The following ARL1 variants were observed in gnomAD, a reference collection of about 807,000 sequenced individuals.
ARL1 encodes ADP-ribosylation factor-like protein 1.
A neutral mutation model predicts 30.1 loss-of-function variants in ARL1; 17 were observed. The observed-to-expected ratio is 0.56, with a 90% confidence interval of 0.39 to 0.85. ARL1 has a LOEUF of 0.85. Ranked by LOEUF, ARL1 falls within the 40% of genes least tolerant of loss-of-function variation. The probability of loss-of-function intolerance (pLI) is 0.00; values close to 1 mark genes in which losing one functional copy is unlikely to be tolerated. For missense variants in ARL1, 102 were observed against 212.6 expected (o/e 0.48, Z 3.24); for synonymous variants, 58 against 71.7 (o/e 0.81, Z 0.97).
chr12:101,407,587 G>A lies in ARL1; in HGVS notation c.4+55C>T, dbSNP rs1871482401. ...GGCCCCTCTCCTCCTCTGCACCCCA[G>A]CCCTCGGCCGCGGCTCCCTCGAGCG... On this transcript the variant is annotated intron_variant, in intron 1 of 5. Coordinates refer to ENST00000261636, the MANE Select transcript of ARL1 (RefSeq NM_001177.6). 6 of 1,604,442 alleles carry A rather than the reference G, an allele frequency of 3.7e-6. No homozygotes were observed. In the East Asian group the frequency reaches 1.3e-4, roughly 36 times the overall value.
At chr12:101,402,446 C>T (rs909628451) in intron 3 of ARL1, among the ~76,000 whole-genome samples, 1 of 152,180 alleles carries the variant, frequency 6.6e-6, no homozygotes, top group Non-Finnish European at 1.5e-5. Context: ...CTCGGCCTCC[C>T]AAAGTGCTGG....
In ARL1 at chr12:101,405,203, TC is replaced by T. The variant is rs375291348; in HGVS notation, c.142+640del. Among the ~76,000 whole-genome samples, 819 of 152,190 alleles carry T rather than the reference TC, an allele frequency of 5.4e-3. 13 individuals are homozygous for T. The highest frequency in any genetic ancestry group is 0.019 in the African/African-American group (789 of 41,512). On this transcript the variant is annotated intron_variant, in intron 2 of 5. Transcript: ENST00000261636. Reference sequence around the variant, plus strand: ...GATATTTTTAAGGTACCAAATTACTTCAACACTCAGTCTCTGCAACTCAGAT... The same window carrying T: ...GATATTTTTAAGGTACCAAATTACTTAACACTCAGTCTCTGCAACTCAGAT...
At chr12:101,403,518 C>CA (rs1399210765) in intron 2 of ARL1, 4 of 195,584 alleles carry the variant, frequency 2.0e-5, no homozygotes, top group African/African-American at 7.1e-5. Flanking sequence ...ACAGCATGGA[C>CA]ACAGCCATGG....
At chr12:101,406,328 C>T (rs1166715718) in intron 1 of ARL1, among the ~76,000 whole-genome samples, 3 of 152,070 alleles carry the variant, frequency 2.0e-5, no homozygotes, top group Non-Finnish European at 4.4e-5. Context: ...ACCAAGGGGC[C>T]AGTAAGGAGG....
intron 4 of ARL1, among the ~76,000 whole-genome samples, chr12:101,398,608 C>A (rs999488475): frequency 8.6e-5 from 13 of 151,874 alleles, no homozygotes; most frequent in South Asian, 4.2e-4. Flanking sequence ...CGCTACTACA[C>A]CCGGCTCATT....
intron 3 of ARL1, 90 bp downstream of exon 3, chr12:101,402,775 T>C (rs190577357): frequency 8.7e-6 from 7 of 800,790 alleles, no homozygotes; most frequent in East Asian, 2.7e-5. Flanking sequence ...TAAATTACAA[T>C]AGAACACATA....
intron 4 of ARL1, among the ~76,000 whole-genome samples, chr12:101,397,395 AAAAC>A (rs1021832804): frequency 2.6e-5 from 4 of 152,194 alleles, no homozygotes; most frequent in Admixed American, 1.3e-4. Flanking sequence ...ATTTTTTTAA[AAAAC>A]AAACAAAAAA....
At chr12:101,403,998 C>T (rs1565816239) in intron 2 of ARL1, among the ~76,000 whole-genome samples, 3 of 152,024 alleles carry the variant, frequency 2.0e-5, no homozygotes, top group African/African-American at 2.4e-5. Context: ...CCAGGTATAA[C>T]TGGACAATTA....
chr12:101,399,890 T>C (rs904855408), intron 4 of ARL1, among the ~76,000 whole-genome samples: 5 of 152,172 alleles, frequency 3.3e-5, no homozygotes, highest in Non-Finnish European at 2.9e-5. Context: ...ACTTACATTT[T>C]AGAGGGAGAG....
intron 4 of ARL1, among the ~76,000 whole-genome samples, chr12:101,398,388 C>T (rs1871210197): frequency 6.7e-6 from 1 of 149,618 alleles, no homozygotes; most frequent in African/African-American, 2.5e-5. Flanking sequence ...AATAGTGAAA[C>T]TCCGTCTCAA....
At chr12:101,407,145 C>T (rs919526292) in intron 1 of ARL1, 1 of 160,172 alleles carries the variant, frequency 6.2e-6, no homozygotes, top group Non-Finnish European at 1.4e-5. Context: ...CCAAACTGGC[C>T]ATAAAACAAC....
intron 4 of ARL1, among the ~76,000 whole-genome samples, chr12:101,399,509 T>TAAAAAAAAA (rs200979843): frequency 1.8e-5 from 2 of 110,546 alleles, no homozygotes; most frequent in African/African-American, 9.0e-5. Context: ...AGACTCTGTC[T>TAAAAAAAAA]AAAAAAAAAA....
intron 1 of ARL1, among the ~76,000 whole-genome samples, chr12:101,406,217 A>C (rs1160987397): frequency 6.6e-6 from 1 of 152,172 alleles, no homozygotes; most frequent in Non-Finnish European, 1.5e-5. Context: ...ACAGAAGATA[A>C]ACCAAATAAT....
intron 2 of ARL1, 112 bp downstream of exon 2, chr12:101,405,732 A>G (rs1418566321): frequency 5.0e-6 from 6 of 1,190,766 alleles, no homozygotes; most frequent in Non-Finnish European, 6.7e-6. Context: ...CTTGGACAAC[A>G]TAGTGATGAT....
At position 101,393,843 on chromosome 12, in the gene ARL1, T is replaced by C. The variant is rs1871075779; in HGVS notation, c.*1797A>G. On this transcript the variant is annotated 3_prime_UTR_variant, in exon 6 of 6. Transcript: ENST00000261636. The stretch of plus-strand genomic sequence containing the variant: ...GCTGTAAGTGAACTTGCTTTCTGCA[T>C]TTTCCAGCCATGTGCCATTGACCAG... 1 of 152,112 alleles carries C rather than the reference T, an allele frequency of 6.6e-6. No individual in the cohort carries two copies. Among genetic ancestry groups the C allele is most frequent in the Non-Finnish European group, 1.5e-5 (1 of 68,042 alleles). The allele number at this position is 152,112 out of a possible 1,614,324, so 9.4% of individuals were successfully genotyped here. A position where few individuals can be genotyped will look rare whatever the true frequency, so the allele number is the denominator to read the frequency against.
intron 3 of ARL1, among the ~76,000 whole-genome samples, chr12:101,402,615 T>C (rs958534591): frequency 6.6e-5 from 10 of 152,336 alleles, no homozygotes; most frequent in African/African-American, 1.2e-4. Context: ...TAATTGAGAA[T>C]AGCTGAAGTA....
intron 4 of ARL1, among the ~76,000 whole-genome samples, chr12:101,399,509 T>TAAAAAAAA (rs200979843): frequency 1.8e-5 from 2 of 110,566 alleles, no homozygotes; most frequent in African/African-American, 9.0e-5. Flanking sequence ...AGACTCTGTC[T>TAAAAAAAA]AAAAAAAAAA....
In ARL1 at chr12:101,393,133, G is replaced by A. The variant is rs932467748; in HGVS notation, c.*2507C>T. Reference sequence around the variant, plus strand: ...CAAATATATCTGGCATATTGAAGACGTCTTTGTTTTTAATCAATACATATT... The same window carrying A: ...CAAATATATCTGGCATATTGAAGACATCTTTGTTTTTAATCAATACATATT... On this transcript the variant is annotated 3_prime_UTR_variant, in exon 6 of 6. Transcript: ENST00000261636. The A allele has an allele frequency of 1.3e-5, 2 of 152,050 alleles. No individual in the cohort carries two copies. Among genetic ancestry groups the A allele is most frequent in the Non-Finnish European group, 2.9e-5 (2 of 68,012 alleles). 9.4% of individuals were successfully genotyped at this position (152,050 alleles called of 1,614,324 possible). A position where few individuals can be genotyped will look rare whatever the true frequency, so the allele number is the denominator to read the frequency against.
chr12:101,406,424 G>A (rs1281069643), intron 1 of ARL1, among the ~76,000 whole-genome samples: 3 of 152,082 alleles, frequency 2.0e-5, no homozygotes, highest in Admixed American at 6.6e-5. Context: ...AGTTCTCCAC[G>A]AAGCAATATA....
Sources: gnomAD v4.1 joint callset for allele counts (sites outside exome capture counted in the v4.1 genomes callset) on GRCh38, gnomAD v4.1.1 for gene constraint, MANE v1.5 for transcripts, NCBI Gene and HGNC (gene_info 2026-07-23, HGNC 2026-07-21) for gene names.